Variants in ME1 observed in about 807,000 individuals in gnomAD.
The protein encoded by ME1 is malic enzyme 1.
A neutral mutation model predicts 66.4 loss-of-function variants in ME1; 74 were observed. The observed-to-expected ratio is 1.11, with a 90% CI of 0.92 to 1.35. The LOEUF is 1.35. ME1 is among the 40% of genes most tolerant of loss of function. The probability of loss-of-function intolerance (pLI) is 0.00; values close to 1 mark genes in which losing one functional copy is unlikely to be tolerated. For synonymous variants in ME1, 251 were observed against 235.6 expected, an observed-to-expected ratio of 1.07 and a Z score of -0.60; for missense variants, 750 against 694.1, an observed-to-expected ratio of 1.08 and a Z score of -0.90.
chr6:83,387,373 A>G (rs1200380873), intron 3 of ME1, among the ~76,000 whole-genome samples: 1 of 152,070 alleles, frequency 6.6e-6, no homozygotes, highest in African/African-American at 2.4e-5. Context: ...TTCTTTTTAC[A>G]TTTATTCTTT....
At chr6:83,240,050 G>T (rs1393189776) in intron 7 of ME1, among the ~76,000 whole-genome samples, 1 of 152,000 alleles carries the variant, frequency 6.6e-6, no homozygotes, top group East Asian at 1.9e-4. Flanking sequence ...AGTGCTATTA[G>T]ATTCTTCCGT....
At position 83,315,377 on chromosome 6, in the gene ME1, G is replaced by A. The variant is rs1263143122; in HGVS notation, c.637C>T (p.Gln213Ter). 2.5e-6 allele frequency: 4 copies of A among 1,611,312 alleles called. No homozygotes were observed. The highest frequency in any genetic ancestry group is 1.7e-5 in the Admixed American group (1 of 59,764). Residue 213 changes from glutamine to a stop codon, truncating the protein, a stop_gained, in exon 6 of 14, where the codon CAG becomes TAG. Coordinates refer to ENST00000369705, the MANE Select transcript of ME1 (RefSeq NM_002395.6). LOFTEE classifies it high-confidence loss of function. ...TATTCAGAACCTCTTACTCTTCTCT[G>A]CCGTAGTCCAATGTAGAGTGGATCT... ...LKDPLYIGLR[Q>*]RRVRGSEYDD...
chr6:83,286,209 T>C (rs1222525429), intron 6 of ME1, among the ~76,000 whole-genome samples: 1 of 152,168 alleles, frequency 6.6e-6, no homozygotes, highest in African/African-American at 2.4e-5. Context: ...TGTGCCTCTG[T>C]TTTCTTACCC....
At chr6:83,423,795 A>C (rs947532335) in intron 1 of ME1, among the ~76,000 whole-genome samples, 4 of 150,438 alleles carry the variant, frequency 2.7e-5, no homozygotes, top group African/African-American at 9.8e-5. Flanking sequence ...ATTCTGTCTC[A>C]AAAAAAAATG....
chr6:83,239,393 A>C, intron 8 of ME1, 146 bp downstream of exon 8: 1 of 516,096 alleles, frequency 1.9e-6, no homozygotes, highest in Non-Finnish European at 3.5e-6. Flanking sequence ...AATATGTCTC[A>C]GTACTTAATT....
intron 5 of ME1, among the ~76,000 whole-genome samples, chr6:83,318,051 A>T (rs1768070542): frequency 6.6e-6 from 1 of 152,162 alleles, no homozygotes; most frequent in South Asian, 2.1e-4. Flanking sequence ...AGAAATGGGG[A>T]AAGGATTCCC....
intron 1 of ME1, among the ~76,000 whole-genome samples, chr6:83,424,927 A>G (rs560385470): frequency 6.6e-6 from 1 of 152,324 alleles, no homozygotes; most frequent in South Asian, 2.1e-4. Context: ...TCTAAGCTTA[A>G]AGGGCCAATG....
intron 3 of ME1, among the ~76,000 whole-genome samples, chr6:83,357,596 T>C (rs1188000991): frequency 6.6e-6 from 1 of 151,926 alleles, no homozygotes; most frequent in African/African-American, 2.4e-5. Flanking sequence ...TGTGAGGGTG[T>C]TGCCAAGGAA....
chr6:83,237,866 T>C lies in ME1; in HGVS notation c.913-36A>G, dbSNP rs41271577. The C allele has an allele frequency of 5.7e-3, 6,564 of 1,146,600 alleles. 30 individuals are homozygous for C. Among genetic ancestry groups the C allele is most frequent in the Non-Finnish European group, 7.3e-3 (5,787 of 788,808 alleles). 71.0% of individuals were successfully genotyped at this position (1,146,600 alleles called of 1,614,324 possible). A position where few individuals can be genotyped will look rare whatever the true frequency, so the allele number is the denominator to read the frequency against. On this transcript the variant is annotated intron_variant, in intron 8 of 13. Coordinates refer to ENST00000369705, the MANE Select transcript of ME1 (RefSeq NM_002395.6). ...AAAAGAAAAAATTTTAAAGTTGTTC[T>C]ACATGATATCTTATTAAGGGTTACA...
chr6:83,324,274 A>G (rs954510434), intron 5 of ME1, among the ~76,000 whole-genome samples: 4 of 151,848 alleles, frequency 2.6e-5, no homozygotes, highest in Non-Finnish European at 5.9e-5. Flanking sequence ...CACAATTAAA[A>G]GAACTAGAGA....
intron 13 of ME1, among the ~76,000 whole-genome samples, chr6:83,214,839 T>C (rs1011053807): frequency 1.3e-5 from 2 of 152,168 alleles, no homozygotes; most frequent in Non-Finnish European, 2.9e-5. Flanking sequence ...CTCTCTGAAG[T>C]TGGTTCTTTG....
At chr6:83,265,690 G>C (rs1190265209) in intron 6 of ME1, among the ~76,000 whole-genome samples, 1 of 152,104 alleles carries the variant, frequency 6.6e-6, no homozygotes, top group African/African-American at 2.4e-5. Flanking sequence ...TGGAACCAAA[G>C]CTGCAATATC....
At chr6:83,255,690 C>T (rs1425572317) in intron 6 of ME1, among the ~76,000 whole-genome samples, 1 of 152,036 alleles carries the variant, frequency 6.6e-6, no homozygotes, top group Admixed American at 6.6e-5. Context: ...CTCCTCATCA[C>T]CTATAATTAG....
At chr6:83,404,488 G>A (rs1769898821) in intron 2 of ME1, among the ~76,000 whole-genome samples, 1 of 152,160 alleles carries the variant, frequency 6.6e-6, no homozygotes, top group East Asian at 1.9e-4. Flanking sequence ...TTGCTGTGCA[G>A]AAGCTCTAAG....
Position 83,383,713 on chromosome 6 carries a change from A to G in ME1, c.362+14654T>C, listed in dbSNP as rs1357461530. On this transcript the variant is annotated intron_variant, in intron 3 of 13. Coordinates refer to ENST00000369705, the MANE Select transcript of ME1 (RefSeq NM_002395.6). Reference sequence around the variant, plus strand: ...TTTCACAAGGCAGCACTATTTTTGTAAAATATGATATTCTCCAAATTATTA... The same window carrying G: ...TTTCACAAGGCAGCACTATTTTTGTGAAATATGATATTCTCCAAATTATTA... 2.0e-5 allele frequency among the ~76,000 whole-genome samples: 3 copies of G among 151,868 alleles called. No homozygotes were observed. In the East Asian group the frequency reaches 5.8e-4, roughly 29 times the overall value.
intron 3 of ME1, among the ~76,000 whole-genome samples, chr6:83,368,225 A>T (rs1308133397): frequency 6.6e-6 from 1 of 152,010 alleles, no homozygotes; most frequent in Non-Finnish European, 1.5e-5. Flanking sequence ...TCACTATAAA[A>T]GTTATAATAA....
intron 9 of ME1, among the ~76,000 whole-genome samples, chr6:83,230,729 A>C (rs1023398130): frequency 6.6e-6 from 1 of 152,158 alleles, no homozygotes; most frequent in African/African-American, 2.4e-5. Context: ...CAGGAGATCG[A>C]GACCATCCTG....
intron 4 of ME1, among the ~76,000 whole-genome samples, chr6:83,348,897 T>C (rs984485581): frequency 2.7e-5 from 4 of 149,798 alleles, no homozygotes; most frequent in Admixed American, 6.7e-5. Flanking sequence ...GGCAGAAGAA[T>C]TGCTTGAACC....
chr6:83,257,376 A>G (rs935652912), intron 6 of ME1, among the ~76,000 whole-genome samples: 16 of 152,206 alleles, frequency 1.1e-4, no homozygotes, highest in Admixed American at 2.0e-4. Flanking sequence ...TTTTATCCAT[A>G]TAAAATAGTA....
Sources: allele counts gnomAD v4.1 joint callset (sites outside exome capture counted in the v4.1 genomes callset), GRCh38; gene constraint gnomAD v4.1.1; transcripts MANE v1.5; gene names NCBI Gene and HGNC (gene_info 2026-07-23, HGNC 2026-07-21).